Variants in DLGAP2 observed in about 807,000 individuals in gnomAD.
DLGAP2 encodes the protein disks large-associated protein 2.
DLGAP2 carries 26 observed loss-of-function variants against 100.3 expected under a neutral mutation model. That is an observed-to-expected ratio of 0.26 (90% CI 0.19 to 0.36). The LOEUF (loss-of-function observed/expected upper bound fraction) is 0.36, where lower values mean the gene tolerates loss of function less well. Ranked by LOEUF, DLGAP2 falls within the 10% of genes least tolerant of loss-of-function variation. The probability of loss-of-function intolerance (pLI) is 1.00; values close to 1 mark genes in which losing one functional copy is unlikely to be tolerated. For synonymous variants in DLGAP2, 886 were observed against 630.1 expected, an observed-to-expected ratio of 1.41 and a Z score of -6.08; for missense variants, 1,858 against 1,453.2, an observed-to-expected ratio of 1.28 and a Z score of -4.53.
intron 13 of DLGAP2, among the ~76,000 whole-genome samples, chr8:1,692,911 CAT>C (rs1012098722): frequency 4.7e-5 from 7 of 148,254 alleles, no homozygotes; most frequent in African/African-American, 1.7e-4. Context: ...TATATATACA[CAT>C]ATTAATATAT....
chr8:1,303,832 T>G (rs773677482), intron 3 of DLGAP2, among the ~76,000 whole-genome samples: 2 of 152,066 alleles, frequency 1.3e-5, no homozygotes, highest in Non-Finnish European at 2.9e-5. Context: ...AAGGCGGGAC[T>G]CCCGGGAGGC....
At chr8:1,439,385 C>G (rs527487259) in intron 3 of DLGAP2, among the ~76,000 whole-genome samples, 1 of 152,156 alleles carries the variant, frequency 6.6e-6, no homozygotes, top group Non-Finnish European at 1.5e-5. Flanking sequence ...ACGGTCCTGC[C>G]GTGTACCCTG....
At chr8:778,157 A>G (rs1266206449) in intron 1 of DLGAP2, among the ~76,000 whole-genome samples, 1 of 151,942 alleles carries the variant, frequency 6.6e-6, no homozygotes, top group East Asian at 1.9e-4. Flanking sequence ...AGGCTTCTGC[A>G]TTCTTCACGT....
intron 3 of DLGAP2, among the ~76,000 whole-genome samples, chr8:1,273,186 T>G (rs947455577): frequency 6.6e-6 from 1 of 152,112 alleles, no homozygotes; most frequent in African/African-American, 2.4e-5. Flanking sequence ...CCTGGCCGGG[T>G]TAGTCTACAG....
intron 5 of DLGAP2, among the ~76,000 whole-genome samples, chr8:1,552,885 A>T (rs1471745151): frequency 6.6e-6 from 1 of 152,232 alleles, no homozygotes; most frequent in East Asian, 1.9e-4. Context: ...AAGGCAATTC[A>T]GGCCTCACGT....
chr8:775,601 A>T (rs1821494097), intron 1 of DLGAP2, among the ~76,000 whole-genome samples: 1 of 69,560 alleles, frequency 1.4e-5, no homozygotes, highest in Non-Finnish European at 2.9e-5. Flanking sequence ...GCATCTATTA[A>T]GATAATCATG....
intron 3 of DLGAP2, among the ~76,000 whole-genome samples, chr8:1,372,463 C>T (rs536351792): frequency 8.0e-4 from 122 of 152,318 alleles, no homozygotes; most frequent in African/African-American, 2.8e-3. Context: ...GTCCCCTCCA[C>T]AGCAGGGCTT....
chr8:925,106 C>G (rs559709397), intron 2 of DLGAP2, among the ~76,000 whole-genome samples: 1 of 151,832 alleles, frequency 6.6e-6, no homozygotes. Flanking sequence ...TGTAGGTGCG[C>G]GTGGGTGATG....
chr8:1,257,636 T>C lies in DLGAP2; in HGVS notation c.74-1215T>C, dbSNP rs78992897. 3.0e-3 allele frequency among the ~76,000 whole-genome samples: 461 copies of C among 152,242 alleles called. 14 individuals carry two copies. In the East Asian group the frequency reaches 0.056, roughly 18 times the overall value. ...CTGTCACGCTGGATGGCAGAGTGTG[T>C]GCCTCTGTAGCTGACGTGGAAGAGC... On this transcript the variant is annotated intron_variant, in intron 2 of 14. Coordinates refer to ENST00000637795, the MANE Select transcript of DLGAP2 (RefSeq NM_001346810.2).
chr8:1,407,782 A>G (rs1482089162), intron 3 of DLGAP2, among the ~76,000 whole-genome samples: 14 of 144,464 alleles, frequency 9.7e-5, no homozygotes, highest in Non-Finnish European at 2.0e-4. Context: ...ACTGAGCGCC[A>G]CCTCCTCATC....
Position 1,168,158 on chromosome 8 carries a change from T to G in DLGAP2, c.74-90693T>G, listed in dbSNP as rs1585117401. Among the ~76,000 whole-genome samples, 6 of 151,304 alleles carry G rather than the reference T, an allele frequency of 4.0e-5. 1 individual carries two copies. In the East Asian group the frequency reaches 1.2e-3, roughly 30 times the overall value. On this transcript the variant is annotated intron_variant, in intron 2 of 14. Transcript: ENST00000637795. ...TTGGTTTTTTGTTCTTGCCATAGTT[T>G]ACTGAGAATGATGATTTCCAATTTC...
At chr8:775,384 G>A (rs1409913636) in intron 1 of DLGAP2, among the ~76,000 whole-genome samples, 5 of 148,090 alleles carry the variant, frequency 3.4e-5, no homozygotes, top group Admixed American at 1.4e-4. Flanking sequence ...TTCCAACACT[G>A]TGTTGAATAG....
intron 3 of DLGAP2, among the ~76,000 whole-genome samples, chr8:1,353,536 G>A (rs922695361): frequency 1.3e-5 from 2 of 152,178 alleles, no homozygotes; most frequent in African/African-American, 4.8e-5. Flanking sequence ...AAGCTATAAT[G>A]TTTGGTAGCT....
intron 2 of DLGAP2, among the ~76,000 whole-genome samples, chr8:1,027,917 G>A (rs1337443530): frequency 1.4e-5 from 2 of 144,854 alleles, no homozygotes; most frequent in African/African-American, 5.2e-5. Context: ...CTCCAGGTGG[G>A]GTGCTCGGTG....
chr8:1,002,522 G>C (rs1371342503), intron 2 of DLGAP2: 1 of 152,244 alleles, frequency 6.6e-6, no homozygotes, highest in African/African-American at 2.4e-5. Context: ...TCTGGGCTGG[G>C]TACCTGGAAG....
intron 1 of DLGAP2, among the ~76,000 whole-genome samples, chr8:764,955 A>G (rs893455475): frequency 6.6e-6 from 1 of 152,274 alleles, no homozygotes; most frequent in Admixed American, 6.5e-5. Context: ...CAGCAACCAG[A>G]ATAGATTCAA....
chr8:1,037,885 C>G (rs1050461790), intron 2 of DLGAP2, among the ~76,000 whole-genome samples: 1 of 152,224 alleles, frequency 6.6e-6, no homozygotes, highest in East Asian at 1.9e-4. Context: ...TCTGATCCAG[C>G]AGGCCTGGTG....
chr8:820,569 C>T (rs1796565251), intron 1 of DLGAP2, among the ~76,000 whole-genome samples: 2 of 152,168 alleles, frequency 1.3e-5, no homozygotes, highest in Non-Finnish European at 2.9e-5. Flanking sequence ...ATTAAAAGGT[C>T]CCCAGACTCT....
In DLGAP2 at chr8:1,480,707, A is replaced by C. The variant is rs548771297; in HGVS notation, c.107-20659A>C. ...TCTACTAATAATAATAAAAAAAAAA[A>C]CCTACAAAACTAGCCAGGCATGGTG... On this transcript the variant is annotated intron_variant, in intron 3 of 14. Transcript: ENST00000637795. Among the ~76,000 whole-genome samples the C allele has an allele frequency of 6.2e-4, 94 of 150,430 alleles. 1 individual carries two copies. In the South Asian group the frequency reaches 8.6e-3, roughly 14 times the overall value.
Sources: gnomAD v4.1 joint callset for allele counts (sites outside exome capture counted in the v4.1 genomes callset) on GRCh38, gnomAD v4.1.1 for gene constraint, MANE v1.5 for transcripts, NCBI Gene and HGNC (gene_info 2026-07-23, HGNC 2026-07-21) for gene names.